ANGPTL2: variants seen among roughly 807,000 people sequenced by gnomAD.
ANGPTL2 encodes the protein angiopoietin like 2, also known as angiopoietin-related protein 2.
Under a neutral mutation model 52.8 loss-of-function variants are expected in ANGPTL2, and 25 were observed. The ratio of observed to expected loss-of-function variants is 0.47; its 90% CI spans 0.35 to 0.66. The LOEUF is 0.66. Ranked by LOEUF, ANGPTL2 falls within the 30% of genes least tolerant of loss-of-function variation. The probability of loss-of-function intolerance (pLI) is 0.01; values close to 1 mark genes in which losing one functional copy is unlikely to be tolerated. For synonymous variants in ANGPTL2, 276 were observed against 277.4 expected, an observed-to-expected ratio of 1.00 and a Z score of 0.05; for missense variants, 546 against 656.9, an observed-to-expected ratio of 0.83 and a Z score of 1.84.
chr9:127,092,920 G>A (rs2136460346), intron 3 of ANGPTL2, among the ~76,000 whole-genome samples: 1 of 152,274 alleles, frequency 6.6e-6, no homozygotes, highest in South Asian at 2.1e-4. Context: ...CAGGTAGTTT[G>A]TGAGCTTCAG....
At position 127,091,957 on chromosome 9, in the gene ANGPTL2, A is replaced by C. The variant is rs771447250; in HGVS notation, c.1012-17T>G. 6.2e-7 allele frequency: 1 copy of C among 1,612,470 alleles called. No individual in the cohort carries two copies. The highest frequency in any genetic ancestry group is 8.5e-7 in the Non-Finnish European group (1 of 1,178,912). The stretch of plus-strand genomic sequence containing the variant: ...AAACCCTTGCTGGGGAAAACCCAGG[A>C]GAGTGTTAATGTGGAGCCTGCAGCA... On this transcript the variant is annotated splice_polypyrimidine_tract_variant and intron_variant, in intron 3 of 4. Coordinates refer to ENST00000373425, the MANE Select transcript of ANGPTL2 (RefSeq NM_012098.3). This position sits in a 1 kb window ranked among gnomAD's most constrained non-coding sequence, Gnocchi z 4.3.
chr9:127,107,363 A>T (rs2054319262), intron 2 of ANGPTL2, among the ~76,000 whole-genome samples: 1 of 152,232 alleles, frequency 6.6e-6, no homozygotes, highest in South Asian at 2.1e-4. Flanking sequence ...ATGTAAGAGC[A>T]TATGGAAGCA....
At chr9:127,098,355 C>A (rs780163131) in intron 2 of ANGPTL2, among the ~76,000 whole-genome samples, 1 of 152,240 alleles carries the variant, frequency 6.6e-6, no homozygotes, top group African/African-American at 2.4e-5. Context: ...CAGGCCAACA[C>A]TAACTCGGCA....
chr9:127,113,461 G>T (rs1021820264), intron 1 of ANGPTL2, among the ~76,000 whole-genome samples: 4 of 151,308 alleles, frequency 2.6e-5, no homozygotes, highest in African/African-American at 9.7e-5. Context: ...TTGCTCTCTT[G>T]ATATTTATTC....
At chr9:127,111,140 G>A (rs2054770622) in intron 1 of ANGPTL2, among the ~76,000 whole-genome samples, 1 of 152,140 alleles carries the variant, frequency 6.6e-6, no homozygotes, top group African/African-American at 2.4e-5. Context: ...CCTTTTGGTT[G>A]TCTGTCAAGT....
At chr9:127,106,037 A>T (rs1005998090) in intron 2 of ANGPTL2, among the ~76,000 whole-genome samples, 3 of 152,252 alleles carry the variant, frequency 2.0e-5, no homozygotes, top group African/African-American at 7.2e-5. Context: ...TCATGAGCGA[A>T]CAGCTAACCA....
At chr9:127,100,282 C>T (rs929639061) in intron 2 of ANGPTL2, among the ~76,000 whole-genome samples, 6 of 152,144 alleles carry the variant, frequency 3.9e-5, no homozygotes, top group Non-Finnish European at 5.9e-5. Context: ...TGAGGTAGGT[C>T]ATTTCAATGC....
At chr9:127,109,977 C>G (rs147390846) in intron 1 of ANGPTL2, among the ~76,000 whole-genome samples, 39 of 152,328 alleles carry the variant, frequency 2.6e-4, no homozygotes, top group African/African-American at 8.2e-4. Context: ...TCCAGCAGTC[C>G]TCACCGTCTC....
At chr9:127,110,319 T>C (rs2054669817) in intron 1 of ANGPTL2, among the ~76,000 whole-genome samples, 1 of 152,174 alleles carries the variant, frequency 6.6e-6, no homozygotes, top group African/African-American at 2.4e-5. Context: ...TGGGCTCCCT[T>C]CTTGACCTTC....
chr9:127,101,989 A>T (rs1414299493), intron 2 of ANGPTL2, among the ~76,000 whole-genome samples: 1 of 152,150 alleles, frequency 6.6e-6, no homozygotes, highest in South Asian at 2.1e-4. Flanking sequence ...GATGAGGACC[A>T]TCAGGCTTAT....
At chr9:127,112,608 C>G (rs182038771) in intron 1 of ANGPTL2, among the ~76,000 whole-genome samples, 7 of 152,364 alleles carry the variant, frequency 4.6e-5, no homozygotes, top group Admixed American at 2.6e-4. Context: ...CGACAGAGTT[C>G]TTGCCATTGC....
intron 2 of ANGPTL2, among the ~76,000 whole-genome samples, chr9:127,105,471 G>A (rs1054706980): frequency 6.6e-6 from 1 of 152,174 alleles, no homozygotes; most frequent in African/African-American, 2.4e-5. Context: ...CTAGTCACTT[G>A]GGTTCCCAAC....
intron 1 of ANGPTL2, among the ~76,000 whole-genome samples, chr9:127,114,754 G>A (rs558334279): frequency 1.3e-5 from 2 of 152,376 alleles, no homozygotes; most frequent in East Asian, 3.9e-4. Context: ...CCTCTGCCAA[G>A]GCAGTCAGGG....
intron 1 of ANGPTL2, among the ~76,000 whole-genome samples, chr9:127,115,810 T>C (rs2055350860): frequency 1.3e-5 from 2 of 152,194 alleles, no homozygotes; most frequent in African/African-American, 4.8e-5. Context: ...GACCCCAAAA[T>C]GGGCATCTGG....
chr9:127,092,033 C>A, intron 3 of ANGPTL2, 93 bp from the exon 4 acceptor site: 1 of 1,489,176 alleles, frequency 6.7e-7, no homozygotes, highest in Non-Finnish European at 9.1e-7. Flanking sequence ...GATAGAGGGG[C>A]CTGGGAAACA....
In ANGPTL2 at chr9:127,108,345, G is replaced by A. The variant is rs746038712; in HGVS notation, c.387C>T (p.Asn129=). The change falls in exon 2 of 5, where the codon AAC becomes AAT. Residue 129 remains asparagine (N), a synonymous_variant. Transcript: ENST00000373425. ...AGAGCTGCGTGACCCGCGAGTTCAT[G>A]TTGCGGCTCTCCTTGCGCAGCAGCT... ...EVKLLRKESR[N]MNSRVTQLYM... 1 of 1,612,510 alleles carries A rather than the reference G, an allele frequency of 6.2e-7. No individual in the cohort carries two copies. The highest frequency in any genetic ancestry group is 8.5e-7 in the Non-Finnish European group (1 of 1,179,182).
At chr9:127,115,650 A>G (rs1430784061) in intron 1 of ANGPTL2, among the ~76,000 whole-genome samples, 1 of 152,248 alleles carries the variant, frequency 6.6e-6, no homozygotes, top group African/African-American at 2.4e-5. Flanking sequence ...TTCAACCAGT[A>G]TGAATAAAAG....
chr9:127,108,654 A>C lies in ANGPTL2; in HGVS notation c.78T>G (p.Gly26=), dbSNP rs1589524374. 1 of 1,613,096 alleles carries C rather than the reference A, an allele frequency of 6.2e-7. No homozygotes were observed. The highest frequency in any genetic ancestry group is 1.3e-5 in the African/African-American group (1 of 74,636). ...GCGAGCCCTCCTCAGTGCCCTCAAA[A>C]CCGTCCTCCTGGCCTGCAACAGCTC... The part of the protein sequence containing the change: ...AMGAVAGQED[G]FEGTEEGSPR... Residue 26 remains glycine, a synonymous_variant, in exon 2 of 5, where the codon GGT becomes GGG. Coordinates refer to ENST00000373425, the MANE Select transcript of ANGPTL2 (RefSeq NM_012098.3).
chr9:127,089,479 TG>T (rs1210397466), intron 4 of ANGPTL2, among the ~76,000 whole-genome samples: 1 of 152,108 alleles, frequency 6.6e-6, no homozygotes, highest in African/African-American at 2.4e-5. Context: ...CAGGGCTGGG[TG>T]CAAAGGAGGC....
Sources: gnomAD v4.1 joint callset for allele counts (sites outside exome capture counted in the v4.1 genomes callset) on GRCh38, gnomAD v4.1.1 for gene constraint, Gnocchi (gnomAD v3.1) non-coding constraint, MANE v1.5 for transcripts, NCBI Gene and HGNC (gene_info 2026-07-23, HGNC 2026-07-21) for gene names.